Variants in DENND4C observed in about 807,000 individuals in gnomAD.
The protein encoded by DENND4C is DENN domain-containing protein 4C.
Under a neutral mutation model 203.0 loss-of-function variants are expected in DENND4C, and 108 were observed. That is an observed-to-expected ratio of 0.53 (90% CI 0.46 to 0.62). DENND4C has a LOEUF of 0.62. DENND4C is among the 20% of genes least tolerant of loss of function. DENND4C has a pLI of 0.00. For missense variants in DENND4C, 2,481 were observed against 2,301.2 expected (o/e 1.08, Z -1.60); for synonymous variants, 871 against 792.4 (o/e 1.10, Z -1.67).
chr9:19,357,101 C>A lies in DENND4C; in HGVS notation c.4911C>A (p.Phe1637Leu). 1 of 1,613,856 alleles carries A rather than the reference C, an allele frequency of 6.2e-7. No individual in the cohort carries two copies. The highest frequency in any genetic ancestry group is 8.5e-7 in the Non-Finnish European group (1 of 1,179,876). Residue 1637 changes from phenylalanine (F) to leucine (L), a missense_variant, in exon 27 of 33, where the codon TTC becomes TTA. Coordinates refer to ENST00000434457, the MANE Select transcript of DENND4C (RefSeq NM_001330640.2). The stretch of plus-strand genomic sequence containing the variant: ...CTGACTTGATCAACTTTATGGACTT[C>A]CCAAAACATAACCAGATCATAACTG... ...AEPDLINFMD[F>L]PKHNQIITEE...
intron 31 of DENND4C, chr9:19,371,550 C>T (rs1376831495): frequency 5.9e-6 from 2 of 338,310 alleles, no homozygotes; most frequent in Admixed American, 5.1e-5. Flanking sequence ...AAAAATAGTA[C>T]AGAATTCAAT....
chr9:19,360,279 T>G lies in DENND4C; in HGVS notation c.5196T>G (p.Val1732=), dbSNP rs771952552. 1 of 1,613,766 alleles carries G rather than the reference T, an allele frequency of 6.2e-7. No individual in the cohort carries two copies. The highest frequency in any genetic ancestry group is 8.5e-7 in the Non-Finnish European group (1 of 1,179,866). The part of the protein sequence containing the change: ...PLGKRPNPPP[V]SVPYLSPLVL... ...GAAAAAGACCCAATCCTCCCCCTGTTTCTGTGCCCTACTTGAGTCCTCTAG... is the reference window on the plus strand; with the variant it reads ...GAAAAAGACCCAATCCTCCCCCTGTGTCTGTGCCCTACTTGAGTCCTCTAG... The change falls in exon 29 of 33, where the codon GTT becomes GTG. Residue 1732 remains valine (V), a synonymous_variant. Coordinates refer to ENST00000434457, the MANE Select transcript of DENND4C (RefSeq NM_001330640.2).
rs1307465925 is a variant in DENND4C at position 19,251,791 on chromosome 9, G to T, written c.-18+20958G>T. ...CGTAACAAGAGTCACCTTTGCTCCA[G>T]TTTCCAACAAGTTCCTCATCTCCAT... is the stretch of plus-strand genomic sequence containing the variant. On this transcript the variant is annotated intron_variant, in intron 1 of 32. Coordinates refer to ENST00000434457, the MANE Select transcript of DENND4C (RefSeq NM_001330640.2). 4.6e-5 allele frequency among the ~76,000 whole-genome samples: 7 copies of T among 152,166 alleles called. No homozygotes were observed. The East Asian group carries it at 1.3e-3, about 29-fold the overall frequency.
At chr9:19,337,485 T>A in intron 20 of DENND4C, 1 of 404,494 alleles carries the variant, frequency 2.5e-6, no homozygotes, top group Non-Finnish European at 3.7e-6. Context: ...CTTCATCTGA[T>A]GAACTTGTCT....
At chr9:19,289,753 C>T (rs558103867) in intron 4 of DENND4C, among the ~76,000 whole-genome samples, 25 of 148,096 alleles carry the variant, frequency 1.7e-4, no homozygotes, top group Non-Finnish European at 3.0e-4. Context: ...CGCTTGAACC[C>T]AGGAGGCGGA....
intron 10 of DENND4C, among the ~76,000 whole-genome samples, chr9:19,306,769 T>TTATG (rs1482237599): frequency 1.1e-4 from 16 of 143,566 alleles, no homozygotes; most frequent in Non-Finnish European, 2.2e-4. Context: ...ATTTATTTAT[T>TTATG]TATTTATTTA....
At chr9:19,360,524 C>CAGT (rs1563841619) in intron 29 of DENND4C, 35 bp downstream of exon 29, 4 of 1,612,372 alleles carry the variant, frequency 2.5e-6, no homozygotes, top group Admixed American at 3.3e-5. Flanking sequence ...CATTAGTATT[C>CAGT]AGTAGGATGA....
intron 2 of DENND4C, among the ~76,000 whole-genome samples, chr9:19,286,380 A>G (rs1835218788): frequency 1.3e-5 from 2 of 152,158 alleles, no homozygotes; most frequent in African/African-American, 4.8e-5. Context: ...AAAATTGACA[A>G]ATTATGAAGC....
At chr9:19,329,458 A>G (rs578008230) in intron 16 of DENND4C, among the ~76,000 whole-genome samples, 15 of 152,338 alleles carry the variant, frequency 9.8e-5, no homozygotes, top group Admixed American at 5.9e-4. Flanking sequence ...CTATTCATAG[A>G]CATGTGGATA....
intron 4 of DENND4C, among the ~76,000 whole-genome samples, chr9:19,290,312 A>G (rs1293857257): frequency 6.6e-6 from 1 of 152,192 alleles, no homozygotes; most frequent in Non-Finnish European, 1.5e-5. Context: ...CCTCAGCATT[A>G]TTTCATAACA....
chr9:19,312,502 A>G (rs1307162611), intron 10 of DENND4C, among the ~76,000 whole-genome samples: 2 of 152,240 alleles, frequency 1.3e-5, no homozygotes, highest in African/African-American at 2.4e-5. Context: ...ATTTACTTGT[A>G]TCTGCTAGTT....
chr9:19,306,869 C>T (rs905253482), intron 10 of DENND4C, among the ~76,000 whole-genome samples: 4 of 151,994 alleles, frequency 2.6e-5, no homozygotes, highest in Non-Finnish European at 5.9e-5. Context: ...CAGTCTCCGC[C>T]TCCTGGGATC....
chr9:19,304,061 A>C (rs1216363261), intron 9 of DENND4C, among the ~76,000 whole-genome samples: 1 of 150,800 alleles, frequency 6.6e-6, no homozygotes, highest in East Asian at 1.9e-4. Flanking sequence ...AAAAAAAAAA[A>C]ACCCACAAAT....
intron 16 of DENND4C, among the ~76,000 whole-genome samples, chr9:19,330,142 G>A (rs892453843): frequency 6.6e-6 from 1 of 151,836 alleles, no homozygotes; most frequent in Admixed American, 6.6e-5. Context: ...CTAACAAAAG[G>A]CAAATTTCTA....
At chr9:19,324,302 T>G in intron 12 of DENND4C, 60 bp from the exon 13 acceptor site, 1 of 1,315,036 alleles carries the variant, frequency 7.6e-7, no homozygotes, top group African/African-American at 1.5e-5. Flanking sequence ...AGTTTAATGT[T>G]TCCTATAATA....
intron 10 of DENND4C, 123 bp downstream of exon 10, chr9:19,305,650 G>A: frequency 2.1e-6 from 2 of 952,960 alleles, no homozygotes; most frequent in East Asian, 2.5e-5. Context: ...CTTAAATACA[G>A]CAGCTCTCAA....
At chr9:19,232,766 T>C (rs2131312889) in intron 1 of DENND4C, among the ~76,000 whole-genome samples, 1 of 152,302 alleles carries the variant, frequency 6.6e-6, no homozygotes, top group South Asian at 2.1e-4. Flanking sequence ...GGAGATTATT[T>C]GGTTGAGCTA....
chr9:19,335,666 A>G (rs1314467081), intron 18 of DENND4C, among the ~76,000 whole-genome samples: 2 of 152,048 alleles, frequency 1.3e-5, no homozygotes, highest in Non-Finnish European at 2.9e-5. Flanking sequence ...GTTCATTCAT[A>G]TTGTCACAAA....
In DENND4C at chr9:19,346,839, G is replaced by A; in HGVS notation, c.4070G>A (p.Gly1357Glu). 6.2e-7 allele frequency: 1 copy of A among 1,614,120 alleles called. No individual in the cohort carries two copies. Residue 1357 changes from glycine (G) to glutamate (E), a missense_variant, in exon 23 of 33, where the codon GGG (glycine) becomes GAG (glutamate). Around this residue, in one of 3 missense-constraint regions of DENND4C, gnomAD observed 2,289 missense variants for 2,113.3 expected, o/e 1.08. Coordinates refer to ENST00000434457, the MANE Select transcript of DENND4C (RefSeq NM_001330640.2). ...PAVSRSKTFT[G>E]RFKQQTPSRT... Reference sequence around the variant, plus strand: ...GTGTCCAGGTCTAAAACTTTTACTGGGCGTTTCAAGCAGCAAACCCCCTCT... The same window carrying A: ...GTGTCCAGGTCTAAAACTTTTACTGAGCGTTTCAAGCAGCAAACCCCCTCT...
Sources: allele counts gnomAD v4.1 joint callset (sites outside exome capture counted in the v4.1 genomes callset), GRCh38; gene constraint gnomAD v4.1.1; regional missense constraint gnomAD v4.1.1; transcripts MANE v1.5; gene names NCBI Gene and HGNC (gene_info 2026-07-23, HGNC 2026-07-21).